The following SGCD variants were observed in gnomAD, a reference collection of about 807,000 sequenced individuals.
SGCD encodes the protein delta-sarcoglycan.
Under a neutral mutation model 36.6 loss-of-function variants are expected in SGCD, and 18 were observed. The observed-to-expected ratio is 0.49, with a 90% confidence interval of 0.34 to 0.73. The LOEUF is 0.73. SGCD is among the 30% of genes least tolerant of loss of function. SGCD has a pLI of 0.01. For missense variants in SGCD, 387 were observed against 346.7 expected (o/e 1.12, Z -0.92); for synonymous variants, 133 against 130.6 (o/e 1.02, Z -0.12).
chr5:155,820,603 G>A, the SGCD span, among the ~76,000 whole-genome samples: 1 of 152,150 alleles, frequency 6.6e-6, no homozygotes, highest in East Asian at 1.9e-4. Context: ...AGGCTGAGGT[G>A]GGAGGATAGC....
intron 3 of SGCD, among the ~76,000 whole-genome samples, chr5:156,227,712 G>C (rs1364630222): frequency 2.0e-5 from 3 of 152,070 alleles, no homozygotes; most frequent in South Asian, 4.1e-4. Flanking sequence ...TGTTTCTCTA[G>C]TTCCTTGAGG....
At position 156,693,991 on chromosome 5, in the gene SGCD, G is replaced by A. The variant is rs146670703; in HGVS notation, c.575+46455G>A. Among the ~76,000 whole-genome samples the A allele has an allele frequency of 1.2e-3, 175 of 152,170 alleles. 1 individual carries two copies. The highest frequency in any genetic ancestry group is 4.0e-3 in the African/African-American group (165 of 41,540). On this transcript the variant is annotated intron_variant, in intron 7 of 8. Transcript: ENST00000337851. ...CCCTGACACAGGCTGACAGTCAGGTGCCCTTTATCATTGTACTTGCAATGA... is the reference window on the plus strand; with the variant it reads ...CCCTGACACAGGCTGACAGTCAGGTACCCTTTATCATTGTACTTGCAATGA...
Position 155,928,225 on chromosome 5 carries a change from A to G in SGCD, c.-282+57801A>G, listed in dbSNP as rs192873086. On this transcript the variant is annotated intron_variant, in intron 1 of 9. Transcript: ENST00000517913. ...TAGAAATTTTAAGGAAAGGTCCTTT[A>G]TAGTCACGGATTTTTAAATGAATTA... 1.1e-3 allele frequency among the ~76,000 whole-genome samples: 166 copies of G among 152,292 alleles called. 1 individual carries two copies. The highest frequency in any genetic ancestry group is 4.0e-3 in the African/African-American group (165 of 41,548).
intron 3 of SGCD, among the ~76,000 whole-genome samples, chr5:156,158,475 G>A (rs992088929): frequency 2.6e-5 from 4 of 151,520 alleles, no homozygotes; most frequent in Non-Finnish European, 4.4e-5. Flanking sequence ...AACAGCTGAG[G>A]GAGTGACAGC....
intron 3 of SGCD, among the ~76,000 whole-genome samples, chr5:156,390,157 A>T (rs985806192): frequency 2.6e-5 from 4 of 152,128 alleles, no homozygotes; most frequent in Non-Finnish European, 4.4e-5. Flanking sequence ...TGGCTATGTT[A>T]TGGTTTATGT....
chr5:156,095,402 A>G (rs1761350789), intron 1 of SGCD, among the ~76,000 whole-genome samples: 1 of 152,208 alleles, frequency 6.6e-6, no homozygotes, highest in Admixed American at 6.5e-5. Flanking sequence ...GGCAGACAAA[A>G]AGGGCAAAGA....
At chr5:155,969,444 TAAATA>T (rs1462975477) in intron 1 of SGCD, among the ~76,000 whole-genome samples, 2 of 152,028 alleles carry the variant, frequency 1.3e-5, no homozygotes, top group African/African-American at 4.8e-5. Context: ...AAAAAATAAA[TAAATA>T]AAAGAATTCA....
At chr5:156,363,542 C>A (rs917066168) in intron 3 of SGCD, among the ~76,000 whole-genome samples, 34 of 152,016 alleles carry the variant, frequency 2.2e-4, no homozygotes, top group East Asian at 7.7e-4. Flanking sequence ...AGCTCAATGT[C>A]AAAAATAATA....
chr5:156,295,878 C>A (rs1377869967), intron 3 of SGCD, among the ~76,000 whole-genome samples: 1 of 152,154 alleles, frequency 6.6e-6, no homozygotes, highest in Non-Finnish European at 1.5e-5. Flanking sequence ...CCAGTAGAAG[C>A]AACTCAACAA....
the SGCD span, among the ~76,000 whole-genome samples, chr5:155,839,254 A>T: frequency 6.6e-6 from 1 of 152,212 alleles, no homozygotes; most frequent in African/African-American, 2.4e-5. Context: ...TAATGATATC[A>T]TCAGTGTGGA....
At chr5:156,119,542 T>C (rs1761984026) in intron 2 of SGCD, among the ~76,000 whole-genome samples, 1 of 152,126 alleles carries the variant, frequency 6.6e-6, no homozygotes, top group Non-Finnish European at 1.5e-5. Context: ...TTTACAGCAA[T>C]GCTTCTTTAA....
At chr5:156,580,144 A>G (rs907886927) in intron 4 of SGCD, among the ~76,000 whole-genome samples, 5 of 152,136 alleles carry the variant, frequency 3.3e-5, no homozygotes, top group Admixed American at 6.6e-5. Context: ...GCTTGTCTGT[A>G]AAGGATTTTA....
chr5:156,078,123 G>C (rs1760839889), intron 1 of SGCD, among the ~76,000 whole-genome samples: 1 of 151,988 alleles, frequency 6.6e-6, no homozygotes, highest in Non-Finnish European at 1.5e-5. Context: ...AACTTTTCTG[G>C]CCTTATCTCT....
chr5:156,600,551 T>A (rs1761150903), intron 6 of SGCD, among the ~76,000 whole-genome samples: 1 of 152,196 alleles, frequency 6.6e-6, no homozygotes, highest in South Asian at 2.1e-4. Flanking sequence ...ACATTTTCTT[T>A]ATGTATTCTT....
chr5:155,909,974 C>G (rs1030241280), intron 1 of SGCD, among the ~76,000 whole-genome samples: 1 of 151,880 alleles, frequency 6.6e-6, no homozygotes, highest in African/African-American at 2.4e-5. Context: ...AAGTGATAAC[C>G]ATATTAATGG....
At chr5:155,757,153 G>A in the SGCD span, among the ~76,000 whole-genome samples, 67 of 152,290 alleles carry the variant, frequency 4.4e-4, no homozygotes, top group South Asian at 4.4e-3. Context: ...AAACATGCTC[G>A]TCTTGGAAAC....
At chr5:155,738,732 G>T in the SGCD span, among the ~76,000 whole-genome samples, 1 of 150,468 alleles carries the variant, frequency 6.6e-6, no homozygotes, top group African/African-American at 2.5e-5. Flanking sequence ...GTGTGTGTGA[G>T]AGAGTGTGTG....
rs1487904014 is a variant in SGCD at position 156,186,986 on chromosome 5, C to CT, written c.-44+62974dup. ...AAACTCAAAAGTCAAGAATGTACCT[C>CT]TTTTTTTCTTTTCATGTTTTTTTTC... On this transcript the variant is annotated intron_variant, in intron 3 of 9. Transcript: ENST00000517913. Among the ~76,000 whole-genome samples, 3 of 152,092 alleles carry CT rather than the reference C, an allele frequency of 2.0e-5. No homozygotes were observed. The South Asian group carries it at 6.2e-4, about 31-fold the overall frequency.
intron 3 of SGCD, among the ~76,000 whole-genome samples, chr5:156,196,730 T>C (rs972786280): frequency 2.6e-5 from 4 of 152,334 alleles, no homozygotes; most frequent in Admixed American, 2.6e-4. Flanking sequence ...TAATGTATAC[T>C]AAATTCTAGA....
Sources: gnomAD v4.1 joint callset for allele counts (sites outside exome capture counted in the v4.1 genomes callset) on GRCh38, gnomAD v4.1.1 for gene constraint, MANE v1.5 for transcripts, NCBI Gene and HGNC (gene_info 2026-07-23, HGNC 2026-07-21) for gene names.